Variants in COL5A2 observed in about 807,000 individuals in gnomAD.
COL5A2 encodes collagen type V alpha 2 chain.
COL5A2 carries 23 observed loss-of-function variants against 208.2 expected under a neutral mutation model. The ratio of observed to expected loss-of-function variants is 0.11; its 90% confidence interval spans 0.08 to 0.16. The LOEUF (loss-of-function observed/expected upper bound fraction) is 0.16, where lower values mean the gene tolerates loss of function less well. COL5A2 is among the 10% of genes least tolerant of loss of function. COL5A2 has a pLI of 1.00. For missense variants in COL5A2, 1,590 were observed against 1,956.4 expected (o/e 0.81, Z 3.53); for synonymous variants, 625 against 628.5 (o/e 0.99, Z 0.08).
At chr2:189,227,158 G>T (rs780937833), upstream of COL5A2, among the ~76,000 whole-genome samples, 5 of 152,052 alleles carry the variant, frequency 3.3e-5, no homozygotes, top group Non-Finnish European at 7.4e-5. Flanking sequence ...GAGAGAGGTG[G>T]TTTGTATTTT....
chr2:189,370,298 A>ATCTCTTG, the COL5A2 span, among the ~76,000 whole-genome samples: 1 of 149,724 alleles, frequency 6.7e-6, no homozygotes, highest in Non-Finnish European at 1.5e-5. Flanking sequence ...ACAAGTTCCT[A>ATCTCTTG]TTCCCCTCAT....
At chr2:189,182,172 C>T (rs1297735383), upstream of COL5A2, among the ~76,000 whole-genome samples, 1 of 152,110 alleles carries the variant, frequency 6.6e-6, no homozygotes, top group Non-Finnish European at 1.5e-5. Context: ...AGGACAATGC[C>T]ATTTCTTAGT....
At chr2:189,427,605 A>T in the COL5A2 span, among the ~76,000 whole-genome samples, 1 of 152,212 alleles carries the variant, frequency 6.6e-6, no homozygotes, top group African/African-American at 2.4e-5. Context: ...ATTCAATGCC[A>T]GCCCATGAGA....
chr2:189,216,839 T>C (rs1230462103), intron 1 of COL5A2, among the ~76,000 whole-genome samples: 1 of 152,150 alleles, frequency 6.6e-6, no homozygotes, highest in East Asian at 1.9e-4. Context: ...CTCAATAATG[T>C]ATGATTTTTA....
At chr2:189,288,974 C>A in the COL5A2 span, among the ~76,000 whole-genome samples, 5,898 of 152,236 alleles carry the variant, frequency 0.039, 129 homozygotes, top group Admixed American at 0.052. Context: ...ATCTCAATTG[C>A]TGCAGAAAAA....
chr2:189,048,412 T>C, intron 44 of COL5A2, 150 bp from the exon 45 acceptor site: 1 of 659,702 alleles, frequency 1.5e-6, no homozygotes. Context: ...GAACGGTTTC[T>C]ACCTCTTTTT....
At chr2:189,222,475 G>A (rs996861417) in intron 1 of COL5A2, among the ~76,000 whole-genome samples, 1 of 152,078 alleles carries the variant, frequency 6.6e-6, no homozygotes, top group Admixed American at 6.6e-5. Flanking sequence ...ACCCTTGTAC[G>A]TCAATGAAAA....
chr2:189,184,289 C>T (rs1688819537), upstream of COL5A2, among the ~76,000 whole-genome samples: 1 of 151,612 alleles, frequency 6.6e-6, no homozygotes, highest in African/African-American at 2.4e-5. Flanking sequence ...AAAAAATCAC[C>T]AGAAAACAGA....
At chr2:189,242,527 C>T in the COL5A2 span, among the ~76,000 whole-genome samples, 1 of 152,104 alleles carries the variant, frequency 6.6e-6, no homozygotes, top group Non-Finnish European at 1.5e-5. Flanking sequence ...CTGTACTCAC[C>T]CAAGTCATGA....
intron 1 of COL5A2, among the ~76,000 whole-genome samples, chr2:189,219,817 T>C (rs529053942): frequency 4.3e-4 from 65 of 152,232 alleles, no homozygotes; most frequent in African/African-American, 1.6e-3. Context: ...GCCTAGCATC[T>C]GGGAGCTATG....
At chr2:189,246,198 G>A in the COL5A2 span, among the ~76,000 whole-genome samples, 1 of 151,590 alleles carries the variant, frequency 6.6e-6, no homozygotes, top group African/African-American at 2.4e-5. Flanking sequence ...TTCTCACCCA[G>A]AATTACAATC....
rs755065809 is a variant in COL5A2, at chr2:189,104,300, G to A, written c.323-23C>T. 9.7e-6 allele frequency: 14 copies of A among 1,445,390 alleles called. No homozygotes were observed. In the East Asian group the frequency reaches 1.8e-4, roughly 19 times the overall value. The allele number at this position is 1,445,390 out of a possible 1,614,324, so 89.5% of individuals were successfully genotyped here. ...TACCTGTAAAAAGAAAAGAGTAAAT[G>A]TGTTATTTTATGAGGAAACAATTAT... On this transcript the variant is annotated intron_variant, in intron 2 of 53. Coordinates refer to ENST00000374866, the MANE Select transcript of COL5A2 (RefSeq NM_000393.5).
chr2:189,184,453 T>C (rs905364244), upstream of COL5A2, among the ~76,000 whole-genome samples: 2 of 152,196 alleles, frequency 1.3e-5, no homozygotes, highest in African/African-American at 2.4e-5. Flanking sequence ...ATGGATCTCG[T>C]TGAGATAAAA....
chr2:189,080,110 G>A, intron 13 of COL5A2, 79 bp from the exon 14 acceptor site: 3 of 1,046,590 alleles, frequency 2.9e-6, no homozygotes, highest in Non-Finnish European at 4.4e-6. Flanking sequence ...AAATAAGCTT[G>A]CAGAAATTGC....
chr2:189,271,771 G>A, the COL5A2 span, among the ~76,000 whole-genome samples: 7 of 152,140 alleles, frequency 4.6e-5, 1 homozygote, highest in African/African-American at 1.4e-4. Context: ...CTGACAAAGG[G>A]TTAATATCCA....
At chr2:189,192,294 A>T (rs181338744) in intron 1 of COL5A2, among the ~76,000 whole-genome samples, 2 of 152,348 alleles carry the variant, frequency 1.3e-5, no homozygotes, top group African/African-American at 4.8e-5. Context: ...AAAGGAAACA[A>T]AAACTTACCT....
chr2:189,046,499 C>T (rs1685670614), intron 45 of COL5A2, among the ~76,000 whole-genome samples: 1 of 152,086 alleles, frequency 6.6e-6, no homozygotes, highest in African/African-American at 2.4e-5. Flanking sequence ...TTCCAGAATG[C>T]ATAGTTTACT....
chr2:189,058,093 T>C (rs1685940094), intron 33 of COL5A2, among the ~76,000 whole-genome samples: 1 of 152,202 alleles, frequency 6.6e-6, no homozygotes, highest in Admixed American at 6.5e-5. Flanking sequence ...AAAAGCCTCC[T>C]AATAAATTAT....
At chr2:189,197,792 A>G (rs1180576756) in intron 1 of COL5A2, among the ~76,000 whole-genome samples, 1 of 151,938 alleles carries the variant, frequency 6.6e-6, no homozygotes, top group Non-Finnish European at 1.5e-5. Context: ...AATTACCAGT[A>G]TGGCCAGATG....
Sources: allele counts gnomAD v4.1 joint callset (sites outside exome capture counted in the v4.1 genomes callset), GRCh38; gene constraint gnomAD v4.1.1; transcripts MANE v1.5; gene names NCBI Gene and HGNC (gene_info 2026-07-23, HGNC 2026-07-21).